MAF: variants seen among roughly 807,000 people sequenced by gnomAD.
MAF encodes the protein MAF bZIP transcription factor.
In MAF, 10 loss-of-function variants were observed where a neutral mutation model predicts 22.0. The observed-to-expected ratio is 0.45, with a 90% confidence interval of 0.28 to 0.77. The LOEUF is 0.77. Among genes scored for constraint, MAF ranks in the 30% least tolerant of loss-of-function variants. The pLI is 0.12. For synonymous variants in MAF, 337 were observed against 255.8 expected (o/e 1.32, Z -3.03); for missense variants, 544 against 548.4 (o/e 0.99, Z 0.08).
the MAF span, among the ~76,000 whole-genome samples, chr16:79,561,350 T>C: frequency 6.6e-6 from 1 of 152,014 alleles, no homozygotes; most frequent in Non-Finnish European, 1.5e-5. Flanking sequence ...AGTTTTAGGG[T>C]ACATGTGCAC....
chr16:79,546,898 G>C, the MAF span, among the ~76,000 whole-genome samples: 128 of 152,208 alleles, frequency 8.4e-4, no homozygotes, highest in African/African-American at 3.0e-3. Context: ...AACTAATTAA[G>C]GAGGAATCTA....
the MAF span, among the ~76,000 whole-genome samples, chr16:79,470,605 T>C: frequency 6.6e-6 from 1 of 152,208 alleles, no homozygotes; most frequent in Non-Finnish European, 1.5e-5. Flanking sequence ...TTAGTTCTCA[T>C]AGCAACCCAG....
the MAF span, among the ~76,000 whole-genome samples, chr16:79,251,617 AT>A: frequency 6.6e-6 from 1 of 152,106 alleles, no homozygotes; most frequent in African/African-American, 2.4e-5. Flanking sequence ...CTAAGTCTTC[AT>A]CTTTTAGGGA....
chr16:79,588,648 G>C (rs1318916068), intron 1 of MAF, among the ~76,000 whole-genome samples: 1 of 151,878 alleles, frequency 6.6e-6, no homozygotes, highest in East Asian at 1.9e-4. Flanking sequence ...TTTTAGTAGA[G>C]ACCGGGTTTC....
At chr16:79,410,426 A>T in the MAF span, among the ~76,000 whole-genome samples, 3 of 152,360 alleles carry the variant, frequency 2.0e-5, no homozygotes, top group East Asian at 5.8e-4. Flanking sequence ...AACACACTCC[A>T]AATTTCTATG....
At chr16:79,374,464 G>C in the MAF span, among the ~76,000 whole-genome samples, 1 of 152,132 alleles carries the variant, frequency 6.6e-6, no homozygotes, top group African/African-American at 2.4e-5. Context: ...TGCGGCAATT[G>C]CTGCTACAGC....
chr16:79,560,042 C>G, the MAF span, among the ~76,000 whole-genome samples: 3 of 152,140 alleles, frequency 2.0e-5, no homozygotes, highest in African/African-American at 7.2e-5. Flanking sequence ...GTAGCTGGGA[C>G]TACAGGCATG....
the MAF span, among the ~76,000 whole-genome samples, chr16:79,523,912 T>A: frequency 3.9e-5 from 6 of 152,218 alleles, no homozygotes; most frequent in African/African-American, 1.4e-4. Context: ...GCAAAGTTTA[T>A]TGTGGCTTAT....
the MAF span, among the ~76,000 whole-genome samples, chr16:79,225,626 AT>A: frequency 6.6e-6 from 1 of 152,208 alleles, no homozygotes; most frequent in Non-Finnish European, 1.5e-5. Flanking sequence ...CAATCTATCC[AT>A]CTGACAAAGG....
chr16:79,244,017 C>A, the MAF span, among the ~76,000 whole-genome samples: 6 of 151,444 alleles, frequency 4.0e-5, 1 homozygote, highest in Middle Eastern at 3.4e-3. Flanking sequence ...AATTCAACAA[C>A]CCTTCATGCT....
chr16:79,549,720 C>T, the MAF span, among the ~76,000 whole-genome samples: 2 of 152,126 alleles, frequency 1.3e-5, no homozygotes, highest in Admixed American at 6.5e-5. Flanking sequence ...TAAAAAAGCG[C>T]CCTGGAAGGG....
At chr16:79,410,067 C>A in the MAF span, among the ~76,000 whole-genome samples, 1 of 152,178 alleles carries the variant, frequency 6.6e-6, no homozygotes, top group Non-Finnish European at 1.5e-5. Flanking sequence ...GTAACCACAG[C>A]AGAGTCTTGG....
At chr16:79,444,657 T>A in the MAF span, among the ~76,000 whole-genome samples, 1 of 152,180 alleles carries the variant, frequency 6.6e-6, no homozygotes. Flanking sequence ...CCACGAGAAA[T>A]GCTGAGACAG....
chr16:79,383,920 A>G, the MAF span, among the ~76,000 whole-genome samples: 4 of 152,366 alleles, frequency 2.6e-5, no homozygotes, highest in East Asian at 3.9e-4. Context: ...TTTTCCCCCC[A>G]AAAGTACAAG....
the MAF span, among the ~76,000 whole-genome samples, chr16:79,265,749 A>T: frequency 6.6e-6 from 1 of 152,196 alleles, no homozygotes; most frequent in African/African-American, 2.4e-5. Flanking sequence ...CAGAACTTTC[A>T]CCTTTTCCCC....
the MAF span, among the ~76,000 whole-genome samples, chr16:79,467,795 G>C: frequency 6.6e-6 from 1 of 152,098 alleles, no homozygotes; most frequent in Non-Finnish European, 1.5e-5. Context: ...TTCCCTTCTT[G>C]TTATAGCTCC....
At chr16:79,214,812 G>C in the MAF span, among the ~76,000 whole-genome samples, 1 of 137,484 alleles carries the variant, frequency 7.3e-6, no homozygotes, top group Non-Finnish European at 1.5e-5. Flanking sequence ...CCCGGTTCAA[G>C]CGATTCTCCT....
chr16:79,595,893 C>T, intron 1 of MAF: 4 of 1,058,720 alleles, frequency 3.8e-6, no homozygotes, highest in Non-Finnish European at 4.6e-6. Flanking sequence ...TTTCTTTTTC[C>T]TATTTAAGAC....
At chr16:79,241,093 G>A in the MAF span, among the ~76,000 whole-genome samples, 39 of 152,170 alleles carry the variant, frequency 2.6e-4, 1 homozygote, top group Middle Eastern at 0.01. Context: ...AGAAATCAGC[G>A]CAAAAAGGCT....
Sources: allele counts gnomAD v4.1 joint callset (sites outside exome capture counted in the v4.1 genomes callset), GRCh38; gene constraint gnomAD v4.1.1; transcripts MANE v1.5; gene names NCBI Gene and HGNC (gene_info 2026-07-23, HGNC 2026-07-21).